ARVCF: variants seen among roughly 807,000 people sequenced by gnomAD.
ARVCF encodes splicing regulator ARVCF.
Under a neutral mutation model 90.9 loss-of-function variants are expected in ARVCF, and 66 were observed. The ratio of observed to expected loss-of-function variants is 0.73; its 90% CI spans 0.60 to 0.89. The LOEUF (loss-of-function observed/expected upper bound fraction) is 0.89, where lower values mean the gene tolerates loss of function less well. ARVCF is among the 40% of genes least tolerant of loss of function. ARVCF has a pLI of 0.00. For synonymous variants in ARVCF, 653 were observed against 603.4 expected, an observed-to-expected ratio of 1.08 and a Z score of -1.21; for missense variants, 1,469 against 1,382.3, an observed-to-expected ratio of 1.06 and a Z score of -1.00.
chr22:19,978,386 C>T (rs1241785171), intron 7 of ARVCF, among the ~76,000 whole-genome samples: 3 of 152,188 alleles, frequency 2.0e-5, no homozygotes, highest in Non-Finnish European at 4.4e-5. Flanking sequence ...TGAACCTGTG[C>T]AAGGGCAATT....
At chr22:19,995,317 G>A (rs766226781) in intron 2 of ARVCF, among the ~76,000 whole-genome samples, 75 of 151,894 alleles carry the variant, frequency 4.9e-4, no homozygotes, top group Non-Finnish European at 9.7e-4. Context: ...GTGGGCAGAT[G>A]GGATGCTGAA....
rs763247714 is a variant in ARVCF at position 19,975,703 on chromosome 22, C to G, written c.1943G>C (p.Arg648Pro). The G allele has an allele frequency of 1.9e-6, 3 of 1,613,660 alleles. No homozygotes were observed. The highest frequency in any genetic ancestry group is 2.2e-5 in the East Asian group (1 of 44,880). ...RNFDTLDLPK[R>P]TEAAKGFELL... is the part of the protein sequence containing the mutation. ...CCACTCACCTTTGGCGGCCTCAGTT[C>G]GCTTGGGCAGGTCTAGCGTGTCAAA... is the stretch of plus-strand genomic sequence containing the variant. Residue 648 changes from arginine (R) to proline (P), a missense_variant, in exon 11 of 20, where the codon CGA becomes CCA. Physicochemically the swap from Arg to Pro is moderately radical, Grantham distance 103 (BLOSUM62 -2). Coordinates refer to ENST00000263207, the MANE Select transcript of ARVCF (RefSeq NM_001670.3).
chr22:20,004,259 G>C (rs1944541448), intron 2 of ARVCF, among the ~76,000 whole-genome samples: 1 of 152,094 alleles, frequency 6.6e-6, no homozygotes, highest in Non-Finnish European at 1.5e-5. Context: ...TTCATGGCTG[G>C]GAAGATTTAC....
At chr22:19,991,498 G>A (rs1256888045) in intron 2 of ARVCF, among the ~76,000 whole-genome samples, 2 of 152,258 alleles carry the variant, frequency 1.3e-5, no homozygotes. Context: ...GTTCTGGCTG[G>A]GACTGCATGA....
intron 3 of ARVCF, among the ~76,000 whole-genome samples, chr22:19,984,922 G>A (rs1190556266): frequency 6.6e-6 from 1 of 152,192 alleles, no homozygotes; most frequent in African/African-American, 2.4e-5. Flanking sequence ...GCCAGCTGGT[G>A]GCTCAGCTCT....
chr22:19,998,995 A>G (rs1001162525), intron 2 of ARVCF, among the ~76,000 whole-genome samples: 1 of 152,172 alleles, frequency 6.6e-6, no homozygotes, highest in South Asian at 2.1e-4. Context: ...GAACCTCACC[A>G]TGGCTTGGCT....
intron 2 of ARVCF, among the ~76,000 whole-genome samples, chr22:20,007,819 T>C (rs1944686650): frequency 6.6e-6 from 1 of 152,178 alleles, no homozygotes; most frequent in African/African-American, 2.4e-5. Context: ...TTGTTAGAAA[T>C]AAGTCTTTGT....
At chr22:19,968,413 TG>T, downstream of ARVCF, 2 of 957,832 alleles carry the variant, frequency 2.1e-6, no homozygotes, top group Non-Finnish European at 3.3e-6. Flanking sequence ...AGTGGAAACC[TG>T]GCCCCAGGGG....
intron 5 of ARVCF, chr22:19,980,980 G>C (rs143082972): frequency 1.3e-5 from 7 of 534,088 alleles, no homozygotes; most frequent in Middle Eastern, 4.9e-4. Flanking sequence ...GCCAGTGGCC[G>C]GCACTCTTCC....
downstream of ARVCF, chr22:19,967,696 ATTGC>A: frequency 3.8e-6 from 1 of 264,176 alleles, no homozygotes. Flanking sequence ...GATGTTTGAG[ATTGC>A]TTGTTAACTT....
intron 17 of ARVCF, 23 bp from the exon 18 acceptor site, chr22:19,971,994 C>G (rs1459446883): frequency 1.3e-6 from 2 of 1,587,878 alleles, no homozygotes; most frequent in Admixed American, 1.7e-5. Flanking sequence ...TAAGGTGGGG[C>G]ATGAGGGGCG....
intron 2 of ARVCF, among the ~76,000 whole-genome samples, chr22:20,008,768 C>T (rs1439414013): frequency 2.0e-5 from 3 of 152,318 alleles, no homozygotes; most frequent in African/African-American, 7.2e-5. Flanking sequence ...CATCACCCAT[C>T]GCACCAGTGC....
intron 2 of ARVCF, among the ~76,000 whole-genome samples, chr22:20,007,745 G>A (rs886260926): frequency 2.6e-5 from 4 of 152,232 alleles, no homozygotes; most frequent in African/African-American, 7.2e-5. Flanking sequence ...CCTGGGGGAT[G>A]TAGCGACAAA....
intron 19 of ARVCF, 83 bp downstream of exon 19, chr22:19,971,133 G>C: frequency 1.3e-6 from 2 of 1,545,768 alleles, no homozygotes; most frequent in South Asian, 1.2e-5. Flanking sequence ...GAAGAGCAGA[G>C]CGTGCAGGCA....
At chr22:19,985,551 C>T (rs558400606) in intron 3 of ARVCF, among the ~76,000 whole-genome samples, 11 of 152,328 alleles carry the variant, frequency 7.2e-5, no homozygotes, top group Admixed American at 6.5e-4. Context: ...GGGCTGGGGT[C>T]GTGGGACGTG....
chr22:19,978,770 T>C, intron 7 of ARVCF, 127 bp downstream of exon 7: 2 of 1,170,926 alleles, frequency 1.7e-6, no homozygotes, highest in Non-Finnish European at 2.3e-6. Flanking sequence ...CCACAGGACT[T>C]GTGCCACAGC....
At chr22:19,972,572 G>A (rs776274170) in intron 16 of ARVCF, among the ~76,000 whole-genome samples, 161 bp from the exon 17 acceptor site, 13 of 152,180 alleles carry the variant, frequency 8.5e-5, no homozygotes, top group Non-Finnish European at 1.8e-4. Context: ...ACAACAGCGC[G>A]GATGCTGTGG....
intron 7 of ARVCF, among the ~76,000 whole-genome samples, chr22:19,978,541 G>A (rs142363701): frequency 1.3e-5 from 2 of 152,278 alleles, no homozygotes; most frequent in African/African-American, 2.4e-5. Context: ...GCCTCCCAGG[G>A]GTAGGAGGGG....
chr22:19,987,075 G>C, intron 3 of ARVCF: 1 of 623,794 alleles, frequency 1.6e-6, no homozygotes, highest in Admixed American at 2.6e-5. Context: ...CCTCCAACCT[G>C]TCTGAGTTCG....
Sources: allele counts gnomAD v4.1 joint callset (sites outside exome capture counted in the v4.1 genomes callset), GRCh38; gene constraint gnomAD v4.1.1; transcripts MANE v1.5; gene names NCBI Gene and HGNC (gene_info 2026-07-23, HGNC 2026-07-21).